LINGO2: variants seen among roughly 807,000 people sequenced by gnomAD.
The protein encoded by LINGO2 is leucine-rich repeat and immunoglobulin-like domain-containing nogo receptor-interacting protein 2.
In LINGO2, 14 loss-of-function variants were observed where a neutral mutation model predicts 30.6. That is an observed-to-expected ratio of 0.46 (90% CI 0.30 to 0.72). The LOEUF is 0.72. Ranked by LOEUF, LINGO2 falls within the 30% of genes least tolerant of loss-of-function variation. LINGO2 has a pLI of 0.07. For missense variants in LINGO2, 729 were observed against 751.7 expected, an observed-to-expected ratio of 0.97 and a Z score of 0.35; for synonymous variants, 317 against 288.5, an observed-to-expected ratio of 1.10 and a Z score of -1.00.
At chr9:28,881,068 T>G in the LINGO2 span, among the ~76,000 whole-genome samples, 3 of 152,128 alleles carry the variant, frequency 2.0e-5, no homozygotes, top group Admixed American at 2.0e-4. Flanking sequence ...CAGAGGCCGG[T>G]GCAGGTCTTT....
chr9:28,349,757 G>C (rs1165067899), intron 3 of LINGO2, among the ~76,000 whole-genome samples: 1 of 150,076 alleles, frequency 6.7e-6, no homozygotes, highest in Non-Finnish European at 1.5e-5. Context: ...GAGAAAGGTC[G>C]GGTTACCCTC....
chr9:28,844,718 C>T, the LINGO2 span, among the ~76,000 whole-genome samples: 1 of 151,706 alleles, frequency 6.6e-6, no homozygotes, highest in South Asian at 2.1e-4. Flanking sequence ...AAGTTTGGTG[C>T]CTTTTTAGAA....
At chr9:27,996,322 A>C (rs1821660255) in intron 5 of LINGO2, among the ~76,000 whole-genome samples, 2 of 152,304 alleles carry the variant, frequency 1.3e-5, no homozygotes, top group South Asian at 4.1e-4. Flanking sequence ...TTTTAGAGAT[A>C]TCTGCACTCC....
chr9:29,088,112 T>C, the LINGO2 span, among the ~76,000 whole-genome samples: 1 of 152,190 alleles, frequency 6.6e-6, no homozygotes, highest in Non-Finnish European at 1.5e-5. Flanking sequence ...GAAATGTATT[T>C]ACAGTCCTTA....
chr9:28,216,948 A>C (rs1564051950), intron 4 of LINGO2, among the ~76,000 whole-genome samples: 1 of 151,844 alleles, frequency 6.6e-6, no homozygotes, highest in Non-Finnish European at 1.5e-5. Context: ...TTACATGCCA[A>C]CATCCTTCAC....
chr9:28,461,547 G>A (rs928519409), intron 2 of LINGO2, among the ~76,000 whole-genome samples: 1 of 152,174 alleles, frequency 6.6e-6, no homozygotes, highest in Non-Finnish European at 1.5e-5. Context: ...TCTTAAAGAT[G>A]TAAACAATTG....
At chr9:28,743,885 T>C in the LINGO2 span, among the ~76,000 whole-genome samples, 151 of 151,898 alleles carry the variant, frequency 9.9e-4, no homozygotes, top group Non-Finnish European at 1.9e-3. Context: ...TCCCAGGATT[T>C]ATTTGTAAAT....
intron 4 of LINGO2, among the ~76,000 whole-genome samples, chr9:28,018,565 A>T (rs1314480496): frequency 2.6e-5 from 4 of 152,216 alleles, no homozygotes; most frequent in Admixed American, 2.6e-4. Context: ...GAAGACATAC[A>T]TGCAGCTAAT....
chr9:28,048,477 TAAA>T (rs1483843401), intron 4 of LINGO2, among the ~76,000 whole-genome samples: 2 of 150,886 alleles, frequency 1.3e-5, no homozygotes, highest in African/African-American at 2.4e-5. Context: ...AGTCACCTAT[TAAA>T]AAAGCAAATG....
chr9:28,722,420 C>A, the LINGO2 span, among the ~76,000 whole-genome samples: 3 of 152,052 alleles, frequency 2.0e-5, no homozygotes, highest in Non-Finnish European at 4.4e-5. Flanking sequence ...ATACTGTTTC[C>A]TAACAAACGT....
intron 4 of LINGO2, among the ~76,000 whole-genome samples, chr9:28,139,326 T>C (rs370425517): frequency 1.3e-5 from 2 of 152,234 alleles, no homozygotes; most frequent in East Asian, 3.8e-4. Context: ...CTTATTTATA[T>C]AGTATAGACA....
At chr9:28,171,179 C>T (rs1828570763) in intron 4 of LINGO2, among the ~76,000 whole-genome samples, 2 of 152,046 alleles carry the variant, frequency 1.3e-5, no homozygotes, top group Non-Finnish European at 2.9e-5. Flanking sequence ...TAATCTCTAC[C>T]ACAATAAATG....
the LINGO2 span, among the ~76,000 whole-genome samples, chr9:29,207,250 T>A: frequency 2.6e-5 from 4 of 152,034 alleles, no homozygotes; most frequent in Non-Finnish European, 4.4e-5. Flanking sequence ...GCACTTTCCT[T>A]TTGAAAAATG....
intron 4 of LINGO2, among the ~76,000 whole-genome samples, chr9:28,266,705 C>T (rs1052443170): frequency 2.0e-5 from 3 of 151,922 alleles, no homozygotes; most frequent in African/African-American, 7.3e-5. Context: ...AAAGGCAAAA[C>T]CTAAATTGGG....
At chr9:28,886,587 C>A in the LINGO2 span, among the ~76,000 whole-genome samples, 2 of 152,080 alleles carry the variant, frequency 1.3e-5, no homozygotes, top group East Asian at 1.9e-4. Flanking sequence ...CACATAATTT[C>A]TTTTGTTGCT....
At chr9:28,712,759 T>C in the LINGO2 span, among the ~76,000 whole-genome samples, 23 of 152,080 alleles carry the variant, frequency 1.5e-4, no homozygotes, top group Non-Finnish European at 5.9e-5. Context: ...ATTTCAAATA[T>C]GTAGCAAACA....
chr9:28,938,764 T>C, the LINGO2 span, among the ~76,000 whole-genome samples: 2 of 152,172 alleles, frequency 1.3e-5, no homozygotes, highest in South Asian at 2.1e-4. Flanking sequence ...GTTTGCACAA[T>C]GATGAAATCA....
At chr9:28,141,792 A>G (rs554135553) in intron 4 of LINGO2, among the ~76,000 whole-genome samples, 7 of 152,246 alleles carry the variant, frequency 4.6e-5, no homozygotes, top group Non-Finnish European at 8.8e-5. Flanking sequence ...CATGCCTGTA[A>G]TCCCAGCTAC....
the LINGO2 span, among the ~76,000 whole-genome samples, chr9:28,907,027 G>C: frequency 6.6e-6 from 1 of 152,016 alleles, no homozygotes; most frequent in African/African-American, 2.4e-5. Context: ...AAAGCTAAGA[G>C]AGCCTGATTA....
Sources: gnomAD v4.1 joint callset for allele counts (sites outside exome capture counted in the v4.1 genomes callset) on GRCh38, gnomAD v4.1.1 for gene constraint, MANE v1.5 for transcripts, NCBI Gene and HGNC (gene_info 2026-07-23, HGNC 2026-07-21) for gene names.